The following PRDM12 variants were observed in gnomAD, a reference collection of about 807,000 sequenced individuals.
The protein encoded by PRDM12 is PR/SET domain 12, also known as PR domain zinc finger protein 12.
A neutral mutation model predicts 29.6 loss-of-function variants in PRDM12; 17 were observed. That is an observed-to-expected ratio of 0.57 (90% CI 0.39 to 0.86). PRDM12 has a LOEUF of 0.86. Ranked by LOEUF, PRDM12 falls within the 40% of genes least tolerant of loss-of-function variation. PRDM12 has a pLI of 0.00. For missense variants in PRDM12, 422 were observed against 510.8 expected (o/e 0.83, Z 1.68); for synonymous variants, 231 against 225.8 (o/e 1.02, Z -0.21).
chr9:130,681,565 T>C lies in PRDM12; in HGVS notation c.1000T>C (p.Ser334Pro). The C allele has an allele frequency of 8.2e-7, 1 of 1,215,228 alleles. No individual in the cohort carries two copies. Among genetic ancestry groups the C allele is most frequent in the Non-Finnish European group, 1.0e-6 (1 of 978,294 alleles). The allele number at this position is 1,215,228 out of a possible 1,614,324, so 75.3% of individuals were successfully genotyped here. A position where few individuals can be genotyped will look rare whatever the true frequency, so the allele number is the denominator to read the frequency against. ...RPPSTALQAH[S>P]PALPAPHAHA... ...GCCCAGCACCGCGCTGCAGGCACACTCGCCCGCGCTGCCCGCCCCGCACGC... is the reference window on the plus strand; with the variant it reads ...GCCCAGCACCGCGCTGCAGGCACACCCGCCCGCGCTGCCCGCCCCGCACGC... Residue 334 changes from serine (S) to proline (P), a missense_variant, in exon 5 of 5, where the codon TCG (serine) becomes CCG (proline). This residue lies in a region of PRDM12 where 66 missense variants were observed against 61.5 expected (regional missense o/e 1.07). Coordinates refer to ENST00000253008, the MANE Select transcript of PRDM12 (RefSeq NM_021619.3). The surrounding 1 kb of genome is among the most constrained non-coding windows in gnomAD (Gnocchi z 8.1).
At chr9:130,676,364 C>T (rs113585858) in intron 3 of PRDM12, among the ~76,000 whole-genome samples, 12,455 of 151,954 alleles carry the variant, frequency 0.082, 570 homozygotes, top group African/African-American at 0.11. Flanking sequence ...GGTGTGGTGG[C>T]GGGCACCTGT....
At chr9:130,671,695 G>A (rs1035423752) in intron 3 of PRDM12, among the ~76,000 whole-genome samples, 5 of 152,170 alleles carry the variant, frequency 3.3e-5, no homozygotes, top group African/African-American at 1.2e-4. Flanking sequence ...CAGCCCTTCT[G>A]GGCTAGACTG....
rs1473890297 is a variant in PRDM12, at chr9:130,668,483, C to T, written c.570+170C>T. ...TGTGGCAGACAGGTGGGTCTCCAGACATCCCGCTGTCCAGGTGTGTGACCT... is the reference window on the plus strand; with the variant it reads ...TGTGGCAGACAGGTGGGTCTCCAGATATCCCGCTGTCCAGGTGTGTGACCT... On this transcript the variant is annotated intron_variant, in intron 3 of 4. Coordinates refer to ENST00000253008, the MANE Select transcript of PRDM12 (RefSeq NM_021619.3). The surrounding 1 kb of genome is among the most constrained non-coding windows in gnomAD (Gnocchi z 4.0). Among the ~76,000 whole-genome samples, 3 of 152,224 alleles carry T rather than the reference C, an allele frequency of 2.0e-5. No individual in the cohort carries two copies. Among genetic ancestry groups the T allele is most frequent in the African/African-American group, 4.8e-5 (2 of 41,456 alleles).
Position 130,668,677 on chromosome 9 carries a change from G to A in PRDM12, c.570+364G>A, listed in dbSNP as rs1299134492. Among the ~76,000 whole-genome samples the A allele has an allele frequency of 6.6e-6, 1 of 152,192 alleles. No homozygotes were observed. Among genetic ancestry groups the A allele is most frequent in the Non-Finnish European group, 1.5e-5 (1 of 68,032 alleles). On this transcript the variant is annotated intron_variant, in intron 3 of 4. Coordinates refer to ENST00000253008, the MANE Select transcript of PRDM12 (RefSeq NM_021619.3). The surrounding 1 kb of genome is among the most constrained non-coding windows in gnomAD (Gnocchi z 4.0). ...AAGCAAGATGGGGAGAGGCGGCCCA[G>A]GGAATGCGTTGGGGTGGGAGAGAGG...
At chr9:130,680,659 A>ATATATATATTTTTTT in intron 4 of PRDM12, among the ~76,000 whole-genome samples, 8 of 72,170 alleles carry the variant, frequency 1.1e-4, no homozygotes, top group African/African-American at 3.9e-4. Flanking sequence ...ATATATATAT[A>ATATATATATTTTTTT]TTTTTTTTTT....
rs778954222 is a variant in PRDM12 at position 130,664,872 on chromosome 9, C to T, written c.219C>T (p.Ser73=). 34 of 1,537,016 alleles carry T rather than the reference C, an allele frequency of 2.2e-5. No individual in the cohort carries two copies. The highest frequency in any genetic ancestry group is 2.8e-5 in the Non-Finnish European group (32 of 1,141,046). The change falls in exon 1 of 5, where the codon TCC becomes TCT. Residue 73 remains serine (S), a synonymous_variant. Coordinates refer to ENST00000253008, the MANE Select transcript of PRDM12 (RefSeq NM_021619.3). This position sits in a 1 kb window ranked among gnomAD's most constrained non-coding sequence, Gnocchi z 6.4. ...CCGAGGTGCTGGCGCAGTCCTTCTC[C>T]GGCGGTGAGTCCAGCCGTCGGAGCC... ...FTAEVLAQSF[S]GEVQKLSSLV... is the part of the protein sequence containing the mutation.
chr9:130,680,660 T>TATATATATATATATATATATATA (rs1554753125), intron 4 of PRDM12, among the ~76,000 whole-genome samples: 9 of 49,394 alleles, frequency 1.8e-4, no homozygotes, highest in African/African-American at 4.2e-4. Flanking sequence ...TATATATATA[T>TATATATATATATATATATATATA]TTTTTTTTTT....
At position 130,666,884 on chromosome 9, in the gene PRDM12, T is replaced by C. The variant is rs1482885732; in HGVS notation, c.414+86T>C. The C allele has an allele frequency of 4.7e-6, 7 of 1,483,102 alleles. No individual in the cohort carries two copies. The African/African-American group carries it at 8.6e-5, about 18-fold the overall frequency. 91.9% of individuals were successfully genotyped at this position (1,483,102 alleles called of 1,614,324 possible). A position where few individuals can be genotyped will look rare whatever the true frequency, so the allele number is the denominator to read the frequency against. ...GACTCGGGCGTCCGGCCGTCGCCGCTTCCACCCGGGCTGAGAGCGGCGGAC... is the reference window on the plus strand; with the variant it reads ...GACTCGGGCGTCCGGCCGTCGCCGCCTCCACCCGGGCTGAGAGCGGCGGAC... On this transcript the variant is annotated intron_variant, in intron 2 of 4. Coordinates refer to ENST00000253008, the MANE Select transcript of PRDM12 (RefSeq NM_021619.3).
intron 3 of PRDM12, among the ~76,000 whole-genome samples, chr9:130,673,082 C>G (rs1384877658): frequency 6.6e-6 from 1 of 152,140 alleles, no homozygotes; most frequent in Non-Finnish European, 1.5e-5. Context: ...TGTTTTGTGT[C>G]CTGAGCCTAT....
chr9:130,677,277 G>C lies in PRDM12; in HGVS notation c.571-1252G>C, dbSNP rs564000512. Among the ~76,000 whole-genome samples the C allele has an allele frequency of 1.1e-4, 17 of 152,238 alleles. No homozygotes were observed. In the East Asian group the frequency reaches 3.3e-3, roughly 29 times the overall value. ...GCAGAGCTTGCTGCAATGGTCTGAG[G>C]GTCTTCCAGGCTCTGACCAGAGGAA... On this transcript the variant is annotated intron_variant, in intron 3 of 4. Coordinates refer to ENST00000253008, the MANE Select transcript of PRDM12 (RefSeq NM_021619.3).
chr9:130,677,306 A>T (rs768954726), intron 3 of PRDM12, among the ~76,000 whole-genome samples: 1 of 152,190 alleles, frequency 6.6e-6, no homozygotes, highest in Non-Finnish European at 1.5e-5. Context: ...AGAGGAAGGA[A>T]GACGTAGTGA....
chr9:130,672,485 G>T (rs1280398269), intron 3 of PRDM12, among the ~76,000 whole-genome samples: 1 of 152,182 alleles, frequency 6.6e-6, no homozygotes, highest in African/African-American at 2.4e-5. Flanking sequence ...CACTGCACCT[G>T]GCCAGCAACT....
intron 2 of PRDM12, 72 bp downstream of exon 2, chr9:130,666,870 C>G: frequency 6.7e-7 from 1 of 1,499,202 alleles, no homozygotes; most frequent in Non-Finnish European, 8.9e-7. Flanking sequence ...ACTCGGGCGT[C>G]CGGCCGTCGC....
intron 3 of PRDM12, among the ~76,000 whole-genome samples, chr9:130,669,815 CAAAAAA>C (rs55753417): frequency 4.5e-5 from 2 of 44,058 alleles, no homozygotes; most frequent in South Asian, 8.0e-4. Context: ...GACTCCATCT[CAAAAAA>C]AAAAAAAAAA....
intron 3 of PRDM12, among the ~76,000 whole-genome samples, chr9:130,674,603 T>A (rs1363285322): frequency 6.6e-6 from 1 of 151,692 alleles, no homozygotes; most frequent in Non-Finnish European, 1.5e-5. Flanking sequence ...CATGCTACTC[T>A]CCATGAACTG....
rs1327666016 is a variant in PRDM12 at position 130,681,622 on chromosome 9, GCCGCCGCC to G, written c.1058_1065del (p.Ala353GlyfsTer195). 77 of 950,860 alleles carry G rather than the reference GCCGCCGCC, an allele frequency of 8.1e-5. No individual in the cohort carries two copies. In the Middle Eastern group the frequency reaches 1.6e-3, roughly 20 times the overall value. 58.9% of individuals were successfully genotyped at this position (950,860 alleles called of 1,614,324 possible). On this transcript the variant is annotated frameshift_variant, in exon 5 of 5. Coordinates refer to ENST00000253008, the MANE Select transcript of PRDM12 (RefSeq NM_021619.3). LOFTEE classifies it high-confidence loss of function. The surrounding 1 kb of genome is among the most constrained non-coding windows in gnomAD (Gnocchi z 8.1). ...GCCCGCGCTCGCCGCCGCCGCCGCCGCCGCCGCCGCCGCCGCCGCGCACCACCTGCCGG... is the reference window on the plus strand; with the variant it reads ...GCCCGCGCTCGCCGCCGCCGCCGCCGGCCGCCGCCGCGCACCACCTGCCGG...
At position 130,681,399 on chromosome 9, in the gene PRDM12, C is replaced by G; in HGVS notation, c.834C>G (p.Arg278=). ...DKPFVCRFCN[R]RFSQSSTLRN... ...CCTTCGTGTGCCGCTTCTGCAACCG[C>G]CGCTTCAGCCAGTCGTCCACGCTGC... The change falls in exon 5 of 5, where the codon CGC becomes CGG. Residue 278 remains arginine, a synonymous_variant. Transcript: ENST00000253008. The surrounding 1 kb of genome is among the most constrained non-coding windows in gnomAD (Gnocchi z 8.1). The G allele has an allele frequency of 1.9e-6, 3 of 1,599,518 alleles. No individual in the cohort carries two copies. The highest frequency in any genetic ancestry group is 2.6e-6 in the Non-Finnish European group (3 of 1,175,370).
In PRDM12 at chr9:130,674,987, C is replaced by A. The variant is rs1362162819; in HGVS notation, c.571-3542C>A. Among the ~76,000 whole-genome samples the A allele has an allele frequency of 5.3e-5, 8 of 152,144 alleles. No homozygotes were observed. In the East Asian group the frequency reaches 1.5e-3, roughly 29 times the overall value. On this transcript the variant is annotated intron_variant, in intron 3 of 4. Coordinates refer to ENST00000253008, the MANE Select transcript of PRDM12 (RefSeq NM_021619.3). The stretch of plus-strand genomic sequence containing the variant: ...CTCCGCCTCCCAAGTTCAGGCGATT[C>A]TCCTGCCTCAGCCTCCTGAGCAGGT...
chr9:130,666,467 C>G (rs1830733770), intron 1 of PRDM12, 141 bp from the exon 2 acceptor site: 1 of 1,083,128 alleles, frequency 9.2e-7, no homozygotes, highest in Admixed American at 3.2e-5. Flanking sequence ...TCCTCCACAC[C>G]CGGGTGGCTT....
Sources: gnomAD v4.1 joint callset for allele counts (sites outside exome capture counted in the v4.1 genomes callset) on GRCh38, gnomAD v4.1.1 for gene constraint, gnomAD v4.1.1 regional missense constraint, Gnocchi (gnomAD v3.1) non-coding constraint, MANE v1.5 for transcripts, NCBI Gene and HGNC (gene_info 2026-07-23, HGNC 2026-07-21) for gene names.